Variants in PARD3B observed in about 807,000 individuals in gnomAD.
PARD3B encodes par-3 family cell polarity regulator beta.
PARD3B carries 103 observed loss-of-function variants against 130.2 expected under a neutral mutation model. That is an observed-to-expected ratio of 0.79 (90% CI 0.67 to 0.93). The LOEUF (loss-of-function observed/expected upper bound fraction) is 0.93, where lower values mean the gene tolerates loss of function less well. Among genes scored for constraint, PARD3B ranks in the 40% least tolerant of loss-of-function variants. The pLI, the probability that PARD3B is intolerant of heterozygous loss-of-function variation, is 0.00. For missense variants in PARD3B, 1,609 were observed against 1,499.2 expected (o/e 1.07, Z -1.21); for synonymous variants, 583 against 553.2 (o/e 1.05, Z -0.76).
intron 1 of PARD3B, among the ~76,000 whole-genome samples, chr2:204,561,481 C>T (rs1312534014): frequency 1.3e-5 from 2 of 152,102 alleles, no homozygotes; most frequent in East Asian, 3.9e-4. Context: ...TTGGGGAAGC[C>T]CCAGTGAGAG....
chr2:205,295,162 A>G (rs1210574346), intron 16 of PARD3B, among the ~76,000 whole-genome samples: 1 of 152,232 alleles, frequency 6.6e-6, no homozygotes, highest in Non-Finnish European at 1.5e-5. Context: ...ATAAAGTGGT[A>G]TTGTGACTCC....
chr2:205,199,018 A>G (rs1010185023), intron 15 of PARD3B, among the ~76,000 whole-genome samples: 1 of 152,160 alleles, frequency 6.6e-6, no homozygotes, highest in Admixed American at 6.6e-5. Context: ...TAATGGTAAT[A>G]TTGTAAGAAA....
chr2:205,541,761 A>T (rs1288076923), intron 21 of PARD3B, among the ~76,000 whole-genome samples: 2 of 152,126 alleles, frequency 1.3e-5, no homozygotes, highest in African/African-American at 4.8e-5. Flanking sequence ...AGCATTTACT[A>T]AGCCCCTGCC....
chr2:204,796,915 C>A (rs1451433760), intron 2 of PARD3B, among the ~76,000 whole-genome samples: 2 of 152,040 alleles, frequency 1.3e-5, no homozygotes, highest in Non-Finnish European at 2.9e-5. Context: ...TTATTCATGC[C>A]TGTAATCTTA....
chr2:204,874,977 C>T (rs373884099), intron 2 of PARD3B, among the ~76,000 whole-genome samples: 17 of 152,124 alleles, frequency 1.1e-4, no homozygotes, highest in Non-Finnish European at 2.1e-4. Context: ...TCGTTCTCTT[C>T]TTTAGCTATT....
chr2:205,412,931 C>T (rs918440880), intron 19 of PARD3B, among the ~76,000 whole-genome samples: 1 of 152,162 alleles, frequency 6.6e-6, no homozygotes, highest in South Asian at 2.1e-4. Flanking sequence ...GGGTATATAA[C>T]ATCATAGGAA....
rs145763551 is a variant in PARD3B, at chr2:205,362,324, C to T, written c.2631-38689C>T. ...CCATTGTACTTACAGCTATTTATTTCTGTTGTTCAATCATAGCTTACTTTG... is the reference window on the plus strand; with the variant it reads ...CCATTGTACTTACAGCTATTTATTTTTGTTGTTCAATCATAGCTTACTTTG... On this transcript the variant is annotated intron_variant, in intron 18 of 22. Transcript: ENST00000406610. 1.7e-3 allele frequency among the ~76,000 whole-genome samples: 260 copies of T among 152,218 alleles called. 1 individual carries two copies. Among genetic ancestry groups the T allele is most frequent in the Non-Finnish European group, 2.7e-3 (184 of 68,000 alleles).
chr2:204,720,141 T>A (rs922694148), intron 2 of PARD3B, among the ~76,000 whole-genome samples: 1 of 152,238 alleles, frequency 6.6e-6, no homozygotes, highest in South Asian at 2.1e-4. Flanking sequence ...GGATTAATTA[T>A]ACTAAAATAA....
chr2:205,047,124 T>G (rs1386508694), intron 3 of PARD3B, among the ~76,000 whole-genome samples: 1 of 152,208 alleles, frequency 6.6e-6, no homozygotes, highest in African/African-American at 2.4e-5. Context: ...ATAATTTATT[T>G]TGGTCTATAT....
At chr2:204,998,358 A>ATGTG (rs59323700) in intron 3 of PARD3B, among the ~76,000 whole-genome samples, 946 of 69,812 alleles carry the variant, frequency 0.014, 66 homozygotes, top group East Asian at 0.037. Flanking sequence ...ATATATATAT[A>ATGTG]TGTGTGTGTG....
At chr2:205,586,307 G>GT (rs1553554191) in intron 22 of PARD3B, among the ~76,000 whole-genome samples, 1 of 152,174 alleles carries the variant, frequency 6.6e-6, no homozygotes, top group Non-Finnish European at 1.5e-5. Flanking sequence ...TAGAGACTCC[G>GT]TGACAGGCTC....
intron 1 of PARD3B, among the ~76,000 whole-genome samples, chr2:204,625,059 A>G (rs1036385671): frequency 6.6e-6 from 1 of 151,918 alleles, no homozygotes; most frequent in Non-Finnish European, 1.5e-5. Flanking sequence ...CCCATTTTCA[A>G]TTGGCTTTTG....
At chr2:205,335,164 A>G (rs2043265929) in intron 18 of PARD3B, among the ~76,000 whole-genome samples, 1 of 152,226 alleles carries the variant, frequency 6.6e-6, no homozygotes, top group Non-Finnish European at 1.5e-5. Context: ...CATGGAATTT[A>G]TAATCTGTGT....
chr2:205,270,211 T>C (rs1435664464), intron 16 of PARD3B, among the ~76,000 whole-genome samples: 1 of 152,212 alleles, frequency 6.6e-6, no homozygotes, highest in Non-Finnish European at 1.5e-5. Flanking sequence ...AATACAGGAC[T>C]AAATTAATTC....
intron 2 of PARD3B, among the ~76,000 whole-genome samples, chr2:204,826,963 T>G (rs2043603773): frequency 6.6e-6 from 1 of 152,208 alleles, no homozygotes; most frequent in East Asian, 1.9e-4. Flanking sequence ...AAGGCTGTAG[T>G]GAGCTATGAT....
At chr2:205,464,541 G>T (rs1358060922) in intron 20 of PARD3B, among the ~76,000 whole-genome samples, 1 of 152,148 alleles carries the variant, frequency 6.6e-6, no homozygotes, top group African/African-American at 2.4e-5. Flanking sequence ...TGGGTGCAGG[G>T]TAGTCAGAAG....
At chr2:205,345,966 T>C (rs4673321) in intron 18 of PARD3B, among the ~76,000 whole-genome samples, 1 of 45,098 alleles carries the variant, frequency 2.2e-5, no homozygotes, top group African/African-American at 3.9e-5. Context: ...AGGTCAGGAG[T>C]TCAAGACCAG....
intron 2 of PARD3B, among the ~76,000 whole-genome samples, chr2:204,942,784 A>C (rs184504747): frequency 2.8e-3 from 432 of 152,316 alleles, no homozygotes; most frequent in Non-Finnish European, 5.0e-3. Flanking sequence ...ATTTTCATAC[A>C]GTGATTTTGA....
chr2:205,108,255 C>G (rs1703364612), intron 5 of PARD3B, among the ~76,000 whole-genome samples: 1 of 152,124 alleles, frequency 6.6e-6, no homozygotes, highest in Non-Finnish European at 1.5e-5. Context: ...TTCCCTTTTC[C>G]AATTGGTGTC....
Sources: allele counts gnomAD v4.1 joint callset (sites outside exome capture counted in the v4.1 genomes callset), GRCh38; gene constraint gnomAD v4.1.1; transcripts MANE v1.5; gene names NCBI Gene and HGNC (gene_info 2026-07-23, HGNC 2026-07-21).